RAPGEF4: variants seen among roughly 807,000 people sequenced by gnomAD.
The protein encoded by RAPGEF4 is Rap guanine nucleotide exchange factor 4.
In RAPGEF4, 66 loss-of-function variants were observed where a neutral mutation model predicts 147.9. The ratio of observed to expected loss-of-function variants is 0.45; its 90% CI spans 0.37 to 0.55. The LOEUF (loss-of-function observed/expected upper bound fraction) is 0.55, where lower values mean the gene tolerates loss of function less well. Ranked by LOEUF, RAPGEF4 falls within the 20% of genes least tolerant of loss-of-function variation. RAPGEF4 has a pLI of 0.00. For missense variants in RAPGEF4, 1,071 were observed against 1,257.3 expected, an observed-to-expected ratio of 0.85 and a Z score of 2.24; for synonymous variants, 419 against 442.7, an observed-to-expected ratio of 0.95 and a Z score of 0.67.
chr2:172,907,410 A>T (rs1429805253), intron 4 of RAPGEF4, among the ~76,000 whole-genome samples: 2 of 152,070 alleles, frequency 1.3e-5, no homozygotes, highest in African/African-American at 4.8e-5. Flanking sequence ...TGACAGGTTA[A>T]TTTTTTTAAA....
At chr2:172,993,796 C>T (rs1167160100) in intron 15 of RAPGEF4, among the ~76,000 whole-genome samples, 2 of 152,168 alleles carry the variant, frequency 1.3e-5, no homozygotes, top group Non-Finnish European at 2.9e-5. Flanking sequence ...AATGTTAGCA[C>T]CTAATAGCCT....
chr2:172,990,791 G>A lies in RAPGEF4; in HGVS notation c.1375-19G>A, dbSNP rs758994029. The A allele has an allele frequency of 1.3e-6, 2 of 1,579,592 alleles. No individual in the cohort carries two copies. Among genetic ancestry groups the A allele is most frequent in the South Asian group, 1.1e-5 (1 of 89,864 alleles). On this transcript the variant is annotated intron_variant, in intron 14 of 30. Transcript: ENST00000397081. ...GAGTAAGCGGCAGCATCTGTATGTG[G>A]TGTAATTTGTATTTGCAGGACGTGG...
At chr2:172,829,159 G>A (rs1690013529) in intron 4 of RAPGEF4, among the ~76,000 whole-genome samples, 1 of 152,226 alleles carries the variant, frequency 6.6e-6, no homozygotes, top group African/African-American at 2.4e-5. Context: ...AACTGATCCA[G>A]TGGGAACTAG....
chr2:172,907,826 A>G (rs1374409143), intron 4 of RAPGEF4, among the ~76,000 whole-genome samples: 2 of 152,186 alleles, frequency 1.3e-5, no homozygotes, highest in Admixed American at 1.3e-4. Context: ...CATTATTATT[A>G]TTATTACTAC....
chr2:172,816,769 A>G (rs1490296001), intron 4 of RAPGEF4, among the ~76,000 whole-genome samples: 1 of 152,196 alleles, frequency 6.6e-6, no homozygotes, highest in African/African-American at 2.4e-5. Context: ...TCAGAGAGCC[A>G]TTTGGAATTG....
intron 6 of RAPGEF4, among the ~76,000 whole-genome samples, chr2:172,957,929 A>G (rs1348623432): frequency 6.6e-6 from 1 of 152,252 alleles, no homozygotes; most frequent in South Asian, 2.1e-4. Context: ...GGAACCAGAA[A>G]GGGAGCTGTC....
chr2:173,031,420 T>C, intron 26 of RAPGEF4, among the ~76,000 whole-genome samples: 1 of 152,158 alleles, frequency 6.6e-6, no homozygotes, highest in East Asian at 1.9e-4. Context: ...AGTCCAAGGC[T>C]CTTGGGATTG....
chr2:172,802,462 A>G (rs2149569956), intron 3 of RAPGEF4, among the ~76,000 whole-genome samples: 1 of 149,336 alleles, frequency 6.7e-6, no homozygotes, highest in Middle Eastern at 3.4e-3. Context: ...AGATTCATTC[A>G]CTATCAGAGA....
chr2:172,937,051 A>AAAAAC, intron 6 of RAPGEF4, among the ~76,000 whole-genome samples: 1 of 150,886 alleles, frequency 6.6e-6, no homozygotes, highest in Admixed American at 6.6e-5. Context: ...AAAAAAAAAA[A>AAAAAC]AAAAAAAAAG....
chr2:173,031,172 C>G (rs760256781), intron 26 of RAPGEF4, among the ~76,000 whole-genome samples: 6 of 152,074 alleles, frequency 3.9e-5, no homozygotes, highest in Non-Finnish European at 8.8e-5. Flanking sequence ...TTTTTCCGTC[C>G]CTCCTAAATG....
intron 3 of RAPGEF4, 119 bp from the exon 4 acceptor site, chr2:172,814,160 G>A (rs144542058): frequency 7.6e-4 from 755 of 990,712 alleles, no homozygotes; most frequent in Non-Finnish European, 1.1e-3. Flanking sequence ...AAGACTTGTT[G>A]AACTATGCAA....
intron 6 of RAPGEF4, among the ~76,000 whole-genome samples, chr2:172,951,597 C>T (rs1276678304): frequency 6.6e-6 from 1 of 152,096 alleles, no homozygotes; most frequent in African/African-American, 2.4e-5. Flanking sequence ...CAGGCCTCTC[C>T]AAGAAGGTGT....
At position 173,051,684 on chromosome 2, in the gene RAPGEF4, A is replaced by T. The variant is rs201446102; in HGVS notation, c.2953A>T (p.Ser985Cys). The T allele has an allele frequency of 9.9e-6, 16 of 1,614,010 alleles. No homozygotes were observed. The highest frequency in any genetic ancestry group is 1.4e-5 in the Non-Finnish European group (16 of 1,179,896). ...TAATAAGAACCATCAGGATGTCCGG[A>T]GTTATGTACGGCAATTAAATGTGAT... ...QANKNHQDVR[S>C]YVRQLNVIDN... The change falls in exon 31 of 31, where the codon AGT becomes TGT. Residue 985 changes from serine to cysteine, a missense_variant. Physicochemically the swap from Ser to Cys is moderately radical, Grantham distance 112 (BLOSUM62 -1). Coordinates refer to ENST00000397081, the MANE Select transcript of RAPGEF4 (RefSeq NM_007023.4).
chr2:172,927,045 A>G (rs1685444435), intron 6 of RAPGEF4, among the ~76,000 whole-genome samples: 2 of 152,226 alleles, frequency 1.3e-5, no homozygotes, highest in South Asian at 4.1e-4. Context: ...CCTGGAGATC[A>G]TCTCAAACCA....
intron 12 of RAPGEF4, among the ~76,000 whole-genome samples, chr2:172,987,237 G>A (rs1449284410): frequency 1.3e-5 from 2 of 152,176 alleles, no homozygotes; most frequent in Non-Finnish European, 2.9e-5. Flanking sequence ...AGGAGGTCAA[G>A]GCTGCAGTGA....
chr2:172,913,771 T>C (rs974885056), intron 4 of RAPGEF4, among the ~76,000 whole-genome samples: 1 of 152,178 alleles, frequency 6.6e-6, no homozygotes, highest in Non-Finnish European at 1.5e-5. Flanking sequence ...TAATAATACA[T>C]GTAAAATAGA....
intron 7 of RAPGEF4, 66 bp downstream of exon 7, chr2:172,960,879 C>A: frequency 7.6e-7 from 1 of 1,320,128 alleles, no homozygotes; most frequent in South Asian, 1.3e-5. Flanking sequence ...GGAGGTGGTC[C>A]ATATGTCAGG....
At chr2:172,798,286 G>C (rs573940208) in intron 3 of RAPGEF4, among the ~76,000 whole-genome samples, 2 of 151,804 alleles carry the variant, frequency 1.3e-5, no homozygotes, top group Non-Finnish European at 2.9e-5. Context: ...AAGAAAGAAA[G>C]AATATTAAAA....
At chr2:172,990,336 T>A (rs1030819627) in intron 14 of RAPGEF4, among the ~76,000 whole-genome samples, 1 of 152,170 alleles carries the variant, frequency 6.6e-6, no homozygotes, top group Non-Finnish European at 1.5e-5. Context: ...AAAAATAGTT[T>A]TTAACACATT....
Sources: gnomAD v4.1 joint callset for allele counts (sites outside exome capture counted in the v4.1 genomes callset) on GRCh38, gnomAD v4.1.1 for gene constraint, MANE v1.5 for transcripts, NCBI Gene and HGNC (gene_info 2026-07-23, HGNC 2026-07-21) for gene names.